APP: variants seen among roughly 807,000 people sequenced by gnomAD.
APP encodes amyloid-beta precursor protein.
A neutral mutation model predicts 101.4 loss-of-function variants in APP; 31 were observed. The observed-to-expected ratio is 0.31, with a 90% CI of 0.23 to 0.41. The LOEUF (loss-of-function observed/expected upper bound fraction) is 0.41, where lower values mean the gene tolerates loss of function less well. Ranked by LOEUF, APP falls within the 10% of genes least tolerant of loss-of-function variation. APP has a pLI of 1.00. For synonymous variants in APP, 366 were observed against 364.4 expected, an observed-to-expected ratio of 1.00 and a Z score of -0.05; for missense variants, 839 against 1,003.7, an observed-to-expected ratio of 0.84 and a Z score of 2.22.
At position 25,901,644 on chromosome 21, in the gene APP, G is replaced by A. The variant is rs2038496793; in HGVS notation, c.1963+3380C>T. ...TGCATGTAATAAAATGTGATGAGTA[G>A]TTTCAAATAAATGGCAGGGACCTTG... On this transcript the variant is annotated intron_variant, in intron 15 of 17. Coordinates refer to ENST00000346798, the MANE Select transcript of APP (RefSeq NM_000484.4). Among the ~76,000 whole-genome samples, 3 of 152,214 alleles carry A rather than the reference G, an allele frequency of 2.0e-5. No individual in the cohort carries two copies. In the South Asian group the frequency reaches 6.2e-4, roughly 31 times the overall value.
Position 26,138,047 on chromosome 21 carries a change from A to G in APP, c.58-25901T>C, listed in dbSNP as rs542618509. The stretch of plus-strand genomic sequence containing the variant: ...TTATGTGATTTAATATACTCTTAAA[A>G]GGACCGTCTGAAACCAAAACATGTA... On this transcript the variant is annotated intron_variant, in intron 1 of 17. Coordinates refer to ENST00000346798, the MANE Select transcript of APP (RefSeq NM_000484.4). Among the ~76,000 whole-genome samples the G allele has an allele frequency of 3.9e-5, 6 of 152,336 alleles. No homozygotes were observed. The South Asian group carries it at 1.2e-3, about 32-fold the overall frequency.
intron 6 of APP, among the ~76,000 whole-genome samples, chr21:26,012,543 G>A (rs1568853874): frequency 6.6e-6 from 1 of 152,228 alleles, no homozygotes; most frequent in Non-Finnish European, 1.5e-5. Flanking sequence ...GAGAGAAGCA[G>A]CTGGTTAGGC....
At chr21:25,998,369 G>A (rs538582960) in intron 7 of APP, among the ~76,000 whole-genome samples, 1 of 145,800 alleles carries the variant, frequency 6.9e-6, no homozygotes, top group East Asian at 2.0e-4. Flanking sequence ...GCCAGAAGCT[G>A]CAATCATCCA....
At chr21:25,891,653 C>T (rs1473688439) in intron 17 of APP, 69 bp downstream of exon 17, 1 of 1,514,422 alleles carries the variant, frequency 6.6e-7, no homozygotes, top group South Asian at 1.1e-5. Flanking sequence ...TAGTTCTTAG[C>T]AAAAAGCTAA....
chr21:25,889,025 T>C (rs1486346027), intron 17 of APP, among the ~76,000 whole-genome samples: 1 of 152,324 alleles, frequency 6.6e-6, no homozygotes, highest in Non-Finnish European at 1.5e-5. Flanking sequence ...TAGGACCTGG[T>C]CTCACGCACA....
At chr21:25,927,002 CAAAAAAAAAAA>C (rs36048306) in intron 13 of APP, among the ~76,000 whole-genome samples, 2 of 67,268 alleles carry the variant, frequency 3.0e-5, no homozygotes, top group African/African-American at 1.3e-4. Flanking sequence ...GACTCCGTCT[CAAAAAAAAAAA>C]AAAAAAAAAA....
At chr21:25,999,884 G>T (rs916961349) in intron 7 of APP, 131 bp downstream of exon 7, 16 of 1,042,040 alleles carry the variant, frequency 1.5e-5, no homozygotes, top group Non-Finnish European at 2.2e-5. Context: ...AATTAGAGAA[G>T]TGGACAGAAA....
intron 9 of APP, among the ~76,000 whole-genome samples, chr21:25,981,841 T>A (rs1207870104): frequency 6.6e-6 from 1 of 151,508 alleles, no homozygotes; most frequent in Non-Finnish European, 1.5e-5. Context: ...GGGAAGCCAC[T>A]CTCTCGAACC....
chr21:26,134,638 G>A (rs1320823954), intron 1 of APP, among the ~76,000 whole-genome samples: 4 of 152,182 alleles, frequency 2.6e-5, no homozygotes, highest in African/African-American at 9.7e-5. Flanking sequence ...CGGTCCTTCA[G>A]GGTTGTTAAG....
At chr21:25,930,416 G>A (rs1244412982) in intron 13 of APP, among the ~76,000 whole-genome samples, 1 of 152,186 alleles carries the variant, frequency 6.6e-6, no homozygotes, top group African/African-American at 2.4e-5. Flanking sequence ...ATGCTGAATT[G>A]ATGGAATTTT....
In APP at chr21:26,130,144, T is replaced by A. The variant is rs930410902; in HGVS notation, c.58-17998A>T. ...AACTAACCTTCCAAAAAGAAAGGAA[T>A]AGATGGTCATTCACACGAAGGTTAC... is the stretch of plus-strand genomic sequence containing the variant. On this transcript the variant is annotated intron_variant, in intron 1 of 17. Transcript: ENST00000346798. Among the ~76,000 whole-genome samples the A allele has an allele frequency of 4.6e-5, 7 of 152,318 alleles. No individual in the cohort carries two copies. The South Asian group carries it at 1.4e-3, about 32-fold the overall frequency.
At chr21:26,006,451 T>C (rs563045088) in intron 6 of APP, among the ~76,000 whole-genome samples, 1 of 152,310 alleles carries the variant, frequency 6.6e-6, no homozygotes, top group African/African-American at 2.4e-5. Flanking sequence ...ACTCCACGCA[T>C]TTTATCTTTG....
chr21:26,026,441 G>T (rs574504940), intron 5 of APP, among the ~76,000 whole-genome samples: 1 of 152,322 alleles, frequency 6.6e-6, no homozygotes, highest in South Asian at 2.1e-4. Flanking sequence ...GGATGAAGGA[G>T]AAATGACATC....
At chr21:26,127,278 C>T (rs1204492025) in intron 1 of APP, among the ~76,000 whole-genome samples, 1 of 152,056 alleles carries the variant, frequency 6.6e-6, no homozygotes, top group African/African-American at 2.4e-5. Context: ...AACTAGGGTT[C>T]CAAGACCAAG....
chr21:26,072,248 C>T (rs56019368), intron 3 of APP, among the ~76,000 whole-genome samples: 3,295 of 152,244 alleles, frequency 0.022, 105 homozygotes, highest in African/African-American at 0.076. Context: ...TTTCCAGACC[C>T]TAAGCACTTG....
intron 13 of APP, among the ~76,000 whole-genome samples, chr21:25,951,436 T>C (rs934620777): frequency 2.6e-5 from 4 of 152,236 alleles, no homozygotes; most frequent in Non-Finnish European, 5.9e-5. Flanking sequence ...CTACAGATGT[T>C]TGACTGCATT....
At chr21:25,972,939 T>G (rs532225119) in intron 11 of APP, among the ~76,000 whole-genome samples, 1 of 152,266 alleles carries the variant, frequency 6.6e-6, no homozygotes, top group Admixed American at 6.5e-5. Context: ...GAAGTACTTT[T>G]GTAAAGTACT....
At chr21:26,139,311 A>G (rs1346741358) in intron 1 of APP, among the ~76,000 whole-genome samples, 1 of 152,206 alleles carries the variant, frequency 6.6e-6, no homozygotes, top group Admixed American at 6.5e-5. Flanking sequence ...ATATAAGCTC[A>G]TTATCAAATA....
intron 1 of APP, among the ~76,000 whole-genome samples, chr21:26,125,231 A>T (rs2062657001): frequency 6.6e-6 from 1 of 152,216 alleles, no homozygotes; most frequent in South Asian, 2.1e-4. Flanking sequence ...CAAGAGCAGC[A>T]TCCCACCAGT....
Sources: allele counts gnomAD v4.1 joint callset (sites outside exome capture counted in the v4.1 genomes callset), GRCh38; gene constraint gnomAD v4.1.1; transcripts MANE v1.5; gene names NCBI Gene and HGNC (gene_info 2026-07-23, HGNC 2026-07-21).